Variants in MGAM observed in about 807,000 individuals in gnomAD.
MGAM encodes the protein alpha-1,4-glucosidase.
MGAM carries 253 observed loss-of-function variants against 358.8 expected under a neutral mutation model. The ratio of observed to expected loss-of-function variants is 0.71; its 90% confidence interval spans 0.64 to 0.78. MGAM has a LOEUF of 0.78. MGAM is among the 30% of genes least tolerant of loss of function. MGAM has a pLI of 0.00. For synonymous variants in MGAM, 1,105 were observed against 1,227.1 expected (o/e 0.90, Z 2.08); for missense variants, 3,080 against 3,432.6 (o/e 0.90, Z 2.57).
At position 142,021,083 on chromosome 7, in the gene MGAM, GGTT is replaced by G; in HGVS notation, c.558+3_558+5del. On this transcript the variant is annotated splice_donor_variant and splice_donor_region_variant and intron_variant, in intron 5 of 70. Transcript: ENST00000475668. LOFTEE classifies it high-confidence loss of function. ...AGACATCTAATCGTTTCCACTTTAA[GGTT>G]GTAATTTGTTTATTTTTTTTTAAGT... is the stretch of plus-strand genomic sequence containing the variant. The G allele has an allele frequency of 6.3e-7, 1 of 1,583,958 alleles. No homozygotes were observed. Among genetic ancestry groups the G allele is most frequent in the African/African-American group, 1.4e-5 (1 of 72,966 alleles).
Position 142,086,912 on chromosome 7 carries a change from C to T in MGAM, c.6810+195C>T, listed in dbSNP as rs111331574. Among the ~76,000 whole-genome samples the T allele has an allele frequency of 4.8e-3, 458 of 95,226 alleles. 23 individuals carry two copies. The highest frequency in any genetic ancestry group is 0.018 in the African/African-American group (379 of 21,114). The allele number at this position is 95,226 out of a possible 152,430, so 62.5% of individuals were successfully genotyped here. A position where few individuals can be genotyped will look rare whatever the true frequency, so the allele number is the denominator to read the frequency against. ...ACTTTACTGGCCACTGGGATGTAGA[C>T]ATGTATTATTATCCTTGGGATTTAA... On this transcript the variant is annotated intron_variant, in intron 57 of 70. Coordinates refer to ENST00000475668, the MANE Select transcript of MGAM (RefSeq NM_001365693.1).
At chr7:142,079,330 T>C (rs1310112369) in intron 49 of MGAM, among the ~76,000 whole-genome samples, 2 of 145,464 alleles carry the variant, frequency 1.4e-5, no homozygotes, top group African/African-American at 4.9e-5. Context: ...TGGAGAACAG[T>C]GCACCTAGTT....
chr7:142,092,168 T>C, intron 58 of MGAM, 121 bp downstream of exon 58: 1 of 1,310,480 alleles, frequency 7.6e-7, no homozygotes, highest in Non-Finnish European at 1.0e-6. Context: ...TTTGGACATA[T>C]CAGACACTTC....
intron 65 of MGAM, among the ~76,000 whole-genome samples, chr7:142,096,682 T>C (rs1815944086): frequency 6.6e-6 from 1 of 152,196 alleles, no homozygotes; most frequent in Admixed American, 6.5e-5. Flanking sequence ...CAATCGTTTC[T>C]TCGTTAACTA....
At chr7:142,038,378 G>A (rs1053873949) in intron 18 of MGAM, among the ~76,000 whole-genome samples, 153 bp from the exon 19 acceptor site, 1 of 152,166 alleles carries the variant, frequency 6.6e-6, no homozygotes, top group Non-Finnish European at 1.5e-5. Flanking sequence ...GTCTAGGGGT[G>A]CAGAGGGGCT....
chr7:142,056,649 C>A (rs1173544243), intron 29 of MGAM, among the ~76,000 whole-genome samples, 181 bp from the exon 30 acceptor site: 1 of 151,850 alleles, frequency 6.6e-6, no homozygotes, highest in Non-Finnish European at 1.5e-5. Context: ...AGAATCAAAC[C>A]CAGGAATGGG....
In MGAM at chr7:142,067,716, G is replaced by A. The variant is rs1233463180; in HGVS notation, c.5004+291G>A. Among the ~76,000 whole-genome samples, 2 of 139,652 alleles carry A rather than the reference G, an allele frequency of 1.4e-5. 1 individual carries two copies. Among genetic ancestry groups the A allele is most frequent in the East Asian group, 4.3e-4 (2 of 4,664 alleles). 91.6% of individuals were successfully genotyped at this position (139,652 alleles called of 152,430 possible). A position where few individuals can be genotyped will look rare whatever the true frequency, so the allele number is the denominator to read the frequency against. On this transcript the variant is annotated intron_variant, in intron 42 of 70. Transcript: ENST00000475668. The stretch of plus-strand genomic sequence containing the variant: ...TCTTCGTTAACTAAAATAATTAATA[G>A]AAGGTCAGATGGGGGCAGTATTGTA...
At chr7:142,035,587 G>A (rs1433229060) in intron 16 of MGAM, among the ~76,000 whole-genome samples, 1 of 152,106 alleles carries the variant, frequency 6.6e-6, no homozygotes, top group African/African-American at 2.4e-5. Flanking sequence ...TAATCAGGGG[G>A]GAAGTTCATT....
intron 52 of MGAM, among the ~76,000 whole-genome samples, chr7:142,082,853 A>G (rs1190079329): frequency 2.1e-5 from 3 of 146,162 alleles, no homozygotes; most frequent in East Asian, 4.0e-4. Context: ...AGAGCCAGTT[A>G]TAAAATTTGA....
chr7:142,035,630 G>C (rs1807917344), intron 16 of MGAM, among the ~76,000 whole-genome samples: 1 of 152,134 alleles, frequency 6.6e-6, no homozygotes, highest in Non-Finnish European at 1.5e-5. Flanking sequence ...AGCACAAACA[G>C]TATAAGGGGG....
At chr7:141,994,846 C>G (rs1408492255), upstream of MGAM, among the ~76,000 whole-genome samples, 1 of 152,190 alleles carries the variant, frequency 6.6e-6, no homozygotes, top group Non-Finnish European at 1.5e-5. Flanking sequence ...ATGATTGTTT[C>G]CTGAGGCCTT....
chr7:142,092,292 C>T (rs537003957), intron 58 of MGAM, among the ~76,000 whole-genome samples: 4 of 145,872 alleles, frequency 2.7e-5, no homozygotes, highest in Non-Finnish European at 4.7e-5. Flanking sequence ...ACTTTCACTG[C>T]CTCACGCCCA....
In MGAM at chr7:142,042,009, A is replaced by AAC. The variant is rs1563145610; in HGVS notation, c.2498+1164_2498+1165insCA. 4.0e-3 allele frequency among the ~76,000 whole-genome samples: 65 copies of AAC among 16,128 alleles called. 5 individuals carry two copies. Among genetic ancestry groups the AAC allele is most frequent in the African/African-American group, 0.011 (64 of 5,788 alleles). The allele number at this position is 16,128 out of a possible 152,430, so 10.6% of individuals were successfully genotyped here. A position where few individuals can be genotyped will look rare whatever the true frequency, so the allele number is the denominator to read the frequency against. ...TATAATATATATATATTATATATAT[A>AAC]ATATAATATATATATATTATATTAT... On this transcript the variant is annotated intron_variant, in intron 21 of 70. Coordinates refer to ENST00000475668, the MANE Select transcript of MGAM (RefSeq NM_001365693.1).
At chr7:142,088,779 A>G (rs569211661) in intron 57 of MGAM, among the ~76,000 whole-genome samples, 1 of 128,650 alleles carries the variant, frequency 7.8e-6, no homozygotes, top group Admixed American at 8.1e-5. Context: ...CTATCTATCT[A>G]TCTATCTATC....
chr7:142,038,507 G>A (rs767111538), intron 18 of MGAM, 24 bp from the exon 19 acceptor site: 6 of 1,576,280 alleles, frequency 3.8e-6, no homozygotes, highest in South Asian at 1.1e-5. Context: ...TCAAATCTCA[G>A]TGAACTGTCT....
chr7:142,055,839 A>G (rs550116466), intron 28 of MGAM, 113 bp downstream of exon 28: 50 of 1,522,334 alleles, frequency 3.3e-5, no homozygotes, highest in African/African-American at 6.9e-5. Context: ...GCTTTTAGGC[A>G]AGTGGGCCAA....
intron 50 of MGAM, among the ~76,000 whole-genome samples, chr7:142,081,216 G>T (rs577201306): frequency 1.2e-4 from 18 of 146,358 alleles, no homozygotes; most frequent in African/African-American, 4.4e-4. Context: ...GACAACTGAG[G>T]TTTCTCTTCT....
intron 6 of MGAM, 104 bp from the exon 7 acceptor site, chr7:142,022,164 T>C (rs1412888624): frequency 1.9e-6 from 2 of 1,054,732 alleles, no homozygotes; most frequent in Admixed American, 2.6e-5. Context: ...ACTGAATGAA[T>C]GGGGGCTATT....
At chr7:142,018,171 G>A (rs1806118179) in intron 3 of MGAM, among the ~76,000 whole-genome samples, 1 of 152,198 alleles carries the variant, frequency 6.6e-6, no homozygotes. Flanking sequence ...TCTCTTGGAA[G>A]GCTGCAGTCA....
Sources: allele counts gnomAD v4.1 joint callset (sites outside exome capture counted in the v4.1 genomes callset), GRCh38; gene constraint gnomAD v4.1.1; transcripts MANE v1.5; gene names NCBI Gene and HGNC (gene_info 2026-07-23, HGNC 2026-07-21).